The following TBC1D22A variants were observed in gnomAD, a reference collection of about 807,000 sequenced individuals.
TBC1D22A encodes the protein putative GTPase activator.
TBC1D22A carries 38 observed loss-of-function variants against 60.2 expected under a neutral mutation model. The ratio of observed to expected loss-of-function variants is 0.63; its 90% confidence interval spans 0.49 to 0.83. The LOEUF is 0.83. Among genes scored for constraint, TBC1D22A ranks in the 40% least tolerant of loss-of-function variants. The probability of loss-of-function intolerance (pLI) is 0.00; values close to 1 mark genes in which losing one functional copy is unlikely to be tolerated. For missense variants in TBC1D22A, 628 were observed against 701.0 expected (o/e 0.90, Z 1.18); for synonymous variants, 302 against 281.7 (o/e 1.07, Z -0.72).
intron 12 of TBC1D22A, among the ~76,000 whole-genome samples, chr22:47,140,066 C>T (rs529179843): frequency 6.6e-6 from 1 of 152,232 alleles, no homozygotes; most frequent in African/African-American, 2.4e-5. Flanking sequence ...GCACTGGTGA[C>T]ACCCACAGTG....
At chr22:46,824,661 TAGG>T (rs1435216477) in intron 4 of TBC1D22A, among the ~76,000 whole-genome samples, 1 of 151,880 alleles carries the variant, frequency 6.6e-6, no homozygotes, top group Non-Finnish European at 1.5e-5. Context: ...GAAGACCAGT[TAGG>T]AGGGTGGTGG....
chr22:47,100,014 TGA>T (rs1306507933), intron 11 of TBC1D22A, among the ~76,000 whole-genome samples: 4 of 152,142 alleles, frequency 2.6e-5, no homozygotes, highest in Non-Finnish European at 5.9e-5. Context: ...GCTGCAGGCC[TGA>T]GAGTGGGTAG....
At chr22:47,114,087 A>C (rs1372340573) in intron 12 of TBC1D22A, among the ~76,000 whole-genome samples, 1 of 152,124 alleles carries the variant, frequency 6.6e-6, no homozygotes, top group Non-Finnish European at 1.5e-5. Flanking sequence ...TGAGGGATAC[A>C]TTGTGTTTGC....
chr22:47,042,176 C>G (rs1032440610), intron 11 of TBC1D22A, among the ~76,000 whole-genome samples: 2 of 21,598 alleles, frequency 9.3e-5, no homozygotes, highest in Admixed American at 7.0e-4. Flanking sequence ...CTATTTCTGC[C>G]CCCCCCATGA....
At position 46,766,793 on chromosome 22, in the gene TBC1D22A, C is replaced by A. The variant is rs1038489221; in HGVS notation, c.62+3945C>A. On this transcript the variant is annotated intron_variant, in intron 1 of 12. Transcript: ENST00000337137. Reference sequence around the variant, plus strand: ...CCTCATGATCCGCCCGCCTTGGCCTCCCCAAGTGCTGAGATTCCAGGCATG... The same window carrying A: ...CCTCATGATCCGCCCGCCTTGGCCTACCCAAGTGCTGAGATTCCAGGCATG... 5.3e-5 allele frequency among the ~76,000 whole-genome samples: 8 copies of A among 152,168 alleles called. No individual in the cohort carries two copies. In the East Asian group the frequency reaches 1.3e-3, roughly 26 times the overall value.
chr22:47,101,672 G>A (rs1394465949), intron 11 of TBC1D22A, among the ~76,000 whole-genome samples: 1 of 152,222 alleles, frequency 6.6e-6, no homozygotes, highest in Admixed American at 6.5e-5. Flanking sequence ...TAACAGACCG[G>A]CGCCAGCAGG....
rs35269996 is a variant in TBC1D22A at position 47,079,084 on chromosome 22, C to CTTTTT, written c.1330-32408_1330-32404dup. On this transcript the variant is annotated intron_variant, in intron 11 of 12. Transcript: ENST00000337137. ...TGGGTAAGTGAGAATGTAGAGCAGA[C>CTTTTT]TTTTTTTTTTTTTTTTTTTTGAGAC... is the stretch of plus-strand genomic sequence containing the variant. 1.4e-4 allele frequency among the ~76,000 whole-genome samples: 18 copies of CTTTTT among 124,926 alleles called. 1 individual carries two copies. The highest frequency in any genetic ancestry group is 2.4e-4 in the East Asian group (1 of 4,228). 82.0% of individuals were successfully genotyped at this position (124,926 alleles called of 152,430 possible).
chr22:46,960,561 C>T (rs564318998), intron 8 of TBC1D22A, among the ~76,000 whole-genome samples: 2 of 152,226 alleles, frequency 1.3e-5, no homozygotes, highest in Non-Finnish European at 2.9e-5. Context: ...CACGCCTGGC[C>T]TCTTGGCGTC....
At chr22:47,155,617 G>A (rs1297097568) in intron 12 of TBC1D22A, among the ~76,000 whole-genome samples, 5 of 151,568 alleles carry the variant, frequency 3.3e-5, no homozygotes, top group Non-Finnish European at 5.9e-5. Flanking sequence ...GAGGGCCGGC[G>A]AGGACGCGTA....
intron 8 of TBC1D22A, among the ~76,000 whole-genome samples, chr22:46,945,463 CCT>C (rs1183797435): frequency 6.6e-6 from 1 of 152,152 alleles, no homozygotes; most frequent in East Asian, 1.9e-4. Context: ...TGTTATCACC[CCT>C]GTTTTACAAG....
chr22:46,863,760 C>T (rs1025511887), intron 4 of TBC1D22A, among the ~76,000 whole-genome samples: 1 of 152,182 alleles, frequency 6.6e-6, no homozygotes, highest in African/African-American at 2.4e-5. Flanking sequence ...TCGGCTTTTC[C>T]CTTAAAATGT....
chr22:47,171,212 C>A (rs2068434672), intron 12 of TBC1D22A, among the ~76,000 whole-genome samples: 1 of 152,202 alleles, frequency 6.6e-6, no homozygotes, highest in Admixed American at 6.5e-5. Context: ...AGCCCAGCTA[C>A]CCCCCATTCC....
intron 12 of TBC1D22A, among the ~76,000 whole-genome samples, chr22:47,166,577 C>T (rs2068217030): frequency 6.6e-6 from 1 of 152,240 alleles, no homozygotes; most frequent in Non-Finnish European, 1.5e-5. Context: ...TCCCATGGTT[C>T]CATTACGCTT....
At chr22:46,904,527 G>A (rs933403538) in intron 7 of TBC1D22A, among the ~76,000 whole-genome samples, 2 of 151,386 alleles carry the variant, frequency 1.3e-5, no homozygotes, top group African/African-American at 4.9e-5. Context: ...GGAGTGCAGT[G>A]GTGTGATCTT....
intron 11 of TBC1D22A, among the ~76,000 whole-genome samples, chr22:47,048,874 G>T (rs1194945904): frequency 6.6e-6 from 1 of 152,212 alleles, no homozygotes; most frequent in Non-Finnish European, 1.5e-5. Flanking sequence ...GGGCACACCT[G>T]ACTGCCCGCA....
chr22:46,844,657 G>A (rs369613992), intron 4 of TBC1D22A, among the ~76,000 whole-genome samples: 1 of 152,228 alleles, frequency 6.6e-6, no homozygotes, highest in African/African-American at 2.4e-5. Context: ...GAAGGGTTGG[G>A]CTGAGCTGGA....
chr22:47,052,700 G>A (rs181958191), intron 11 of TBC1D22A, among the ~76,000 whole-genome samples: 1 of 152,288 alleles, frequency 6.6e-6, no homozygotes, highest in East Asian at 1.9e-4. Flanking sequence ...CAGGACTCCT[G>A]TCGGCCACAC....
intron 8 of TBC1D22A, among the ~76,000 whole-genome samples, chr22:46,970,786 C>T (rs1018111971): frequency 6.6e-6 from 1 of 152,196 alleles, no homozygotes; most frequent in African/African-American, 2.4e-5. Context: ...CAGCATCTAA[C>T]AGATAGAAGC....
chr22:47,090,003 G>A (rs113993678), intron 11 of TBC1D22A, among the ~76,000 whole-genome samples: 1 of 152,172 alleles, frequency 6.6e-6, no homozygotes, highest in African/African-American at 2.4e-5. Context: ...GAACTTTGGC[G>A]TGGCATTCGC....
Sources: gnomAD v4.1 joint callset for allele counts (sites outside exome capture counted in the v4.1 genomes callset) on GRCh38, gnomAD v4.1.1 for gene constraint, MANE v1.5 for transcripts, NCBI Gene and HGNC (gene_info 2026-07-23, HGNC 2026-07-21) for gene names.